CAPRIN2: variants seen among roughly 807,000 people sequenced by gnomAD.
The protein encoded by CAPRIN2 is caprin-2.
A neutral mutation model predicts 130.4 loss-of-function variants in CAPRIN2; 66 were observed. The ratio of observed to expected loss-of-function variants is 0.51; its 90% CI spans 0.42 to 0.62. The LOEUF is 0.62. Among genes scored for constraint, CAPRIN2 ranks in the 20% least tolerant of loss-of-function variants. CAPRIN2 has a pLI of 0.00. For synonymous variants in CAPRIN2, 471 were observed against 444.1 expected (o/e 1.06, Z -0.76); for missense variants, 1,185 against 1,246.6 (o/e 0.95, Z 0.74).
chr12:30,711,468 C>T (rs2054549453), intron 16 of CAPRIN2, 98 bp downstream of exon 18: 1 of 961,276 alleles, frequency 1.0e-6, no homozygotes, highest in Non-Finnish European at 1.7e-6. Flanking sequence ...AAGATAAATG[C>T]TAAAAAGCAA....
chr12:30,739,189 G>A (rs142610822), intron 3 of CAPRIN2, among the ~76,000 whole-genome samples: 4,239 of 152,220 alleles, frequency 0.028, 186 homozygotes, highest in African/African-American at 0.095. Context: ...TAAAGAAAAC[G>A]TGGTACATAT....
chr12:30,734,886 A>ACACT (rs1555165895), intron 4 of CAPRIN2, 82 bp downstream of exon 5: 281 of 564,900 alleles, frequency 5.0e-4, no homozygotes, highest in African/African-American at 1.4e-3. Flanking sequence ...ACACACACAC[A>ACACT]CTCTCTCTCT....
At chr12:30,729,056 C>A in exon 8 of CAPRIN2, 4 of 1,614,126 alleles carry the variant, frequency 2.5e-6, no homozygotes, top group Non-Finnish European at 3.4e-6. Flanking sequence ...TCTCCTGCTT[C>A]TTCTGCTCTT....
chr12:30,753,578 T>C lies in CAPRIN2; in HGVS notation c.186A>G (p.Ser62=). The C allele has an allele frequency of 6.2e-7, 1 of 1,614,112 alleles. No individual in the cohort carries two copies. The highest frequency in any genetic ancestry group is 8.5e-7 in the Non-Finnish European group (1 of 1,180,024). The stretch of plus-strand genomic sequence containing the variant: ...AAGGTGACTGGTAACCAAAAGGGGA[T>C]GAAAAGAGTTGCACCATTGAAACAG... The change falls in exon 1 of 17, where the codon TCA becomes TCG. Residue 62 remains serine (S), a synonymous_variant. Transcript: ENST00000298892.
At chr12:30,739,679 C>G (rs1409811773) in intron 3 of CAPRIN2, among the ~76,000 whole-genome samples, 3 of 150,056 alleles carry the variant, frequency 2.0e-5, no homozygotes, top group African/African-American at 7.4e-5. Context: ...CGTGCCACTG[C>G]ACTCCAGCCT....
intron 8 of CAPRIN2, among the ~76,000 whole-genome samples, chr12:30,727,628 A>C (rs977744698): frequency 2.0e-5 from 3 of 152,258 alleles, no homozygotes; most frequent in Non-Finnish European, 4.4e-5. Context: ...AGGCAACCCT[A>C]ACATAGCACT....
intron 1 of CAPRIN2, chr12:30,751,519 C>G (rs1284911095): frequency 9.0e-6 from 2 of 221,778 alleles, no homozygotes; most frequent in African/African-American, 4.5e-5. Flanking sequence ...TTTTGGTTAT[C>G]ACAACTTGGG....
At chr12:30,714,776 C>T (rs986972908) in intron 14 of CAPRIN2, among the ~76,000 whole-genome samples, 183 bp downstream of exon 16, 1 of 152,174 alleles carries the variant, frequency 6.6e-6, no homozygotes, top group African/African-American at 2.4e-5. Flanking sequence ...GCTTTTCATA[C>T]AGAAAATTAG....
At chr12:30,715,436 A>G in intron 13 of CAPRIN2, 1 of 493,002 alleles carries the variant, frequency 2.0e-6, no homozygotes, top group Non-Finnish European at 4.0e-6. Flanking sequence ...AATATTGTAT[A>G]CCACTTATAT....
At chr12:30,742,636 G>A (rs1408165494) in intron 2 of CAPRIN2, among the ~76,000 whole-genome samples, 1 of 150,714 alleles carries the variant, frequency 6.6e-6, no homozygotes, top group Non-Finnish European at 1.5e-5. Context: ...TATATAGCAT[G>A]ATACCACTTT....
At chr12:30,734,879 CACACACACTCTCTCTCTCACAT>C in intron 4 of CAPRIN2, 67 bp downstream of exon 5, 1 of 724,310 alleles carries the variant, frequency 1.4e-6, no homozygotes, top group Middle Eastern at 2.6e-4. Flanking sequence ...CACACACACA[CACACACACTCTCTCTCTCACAT>C]ACACACACCC....
At chr12:30,730,962 C>T (rs149341922) in intron 6 of CAPRIN2, among the ~76,000 whole-genome samples, 1 of 152,056 alleles carries the variant, frequency 6.6e-6, no homozygotes, top group Non-Finnish European at 1.5e-5. Flanking sequence ...ATCAGTATTT[C>T]GACCTTAGGT....
chr12:30,715,310 C>A, intron 13 of CAPRIN2, 169 bp from the exon 16 acceptor site: 1 of 652,828 alleles, frequency 1.5e-6, no homozygotes, highest in South Asian at 1.8e-5. Flanking sequence ...ATACGTAATT[C>A]ATATATATAA....
intron 1 of CAPRIN2, chr12:30,751,415 G>A (rs181527328): frequency 3.1e-6 from 1 of 325,660 alleles, no homozygotes; most frequent in Admixed American, 4.2e-5. Context: ...AACCCATGGG[G>A]ACTTACCTAC....
chr12:30,725,371 T>C (rs1475399782), intron 9 of CAPRIN2, among the ~76,000 whole-genome samples: 1 of 152,192 alleles, frequency 6.6e-6, no homozygotes, highest in East Asian at 1.9e-4. Context: ...AAACAGCTGG[T>C]AAGTAACAGA....
intron 11 of CAPRIN2, among the ~76,000 whole-genome samples, chr12:30,722,969 T>G (rs1383271557): frequency 6.6e-6 from 1 of 152,152 alleles, no homozygotes; most frequent in African/African-American, 2.4e-5. Flanking sequence ...ATAAACTAAA[T>G]TACTTAAGTA....
At chr12:30,751,216 G>A in intron 1 of CAPRIN2, 83 bp from the exon 3 acceptor site, 1 of 1,096,136 alleles carries the variant, frequency 9.1e-7, no homozygotes, top group Non-Finnish European at 1.4e-6. Context: ...TTGTCTCTAG[G>A]AAACAAAGTC....
intron 11 of CAPRIN2, 113 bp from the exon 13 acceptor site, chr12:30,721,028 G>A: frequency 1.4e-6 from 1 of 710,092 alleles, no homozygotes; most frequent in South Asian, 1.6e-5. Flanking sequence ...CATGTGTCAA[G>A]CACTCTGCTA....
chr12:30,718,480 C>A (rs1011769530), intron 12 of CAPRIN2, among the ~76,000 whole-genome samples: 1 of 152,082 alleles, frequency 6.6e-6, no homozygotes, highest in Non-Finnish European at 1.5e-5. Flanking sequence ...AGGCTTTTTT[C>A]CCCCACAAAG....
Sources: gnomAD v4.1 joint callset for allele counts (sites outside exome capture counted in the v4.1 genomes callset) on GRCh38, gnomAD v4.1.1 for gene constraint, MANE v1.5 for transcripts, NCBI Gene and HGNC (gene_info 2026-07-23, HGNC 2026-07-21) for gene names.